Variants in GALNTL6 observed in about 807,000 individuals in gnomAD.
The protein encoded by GALNTL6 is polypeptide N-acetylgalactosaminyltransferase-like 6.
In GALNTL6, 46 loss-of-function variants were observed where a neutral mutation model predicts 73.7. The observed-to-expected ratio is 0.62, with a 90% confidence interval of 0.49 to 0.80. The LOEUF (loss-of-function observed/expected upper bound fraction) is 0.80. Among genes scored for constraint, GALNTL6 ranks in the 30% least tolerant of loss-of-function variants. GALNTL6 has a pLI of 0.00. For synonymous variants in GALNTL6, 259 were observed against 263.7 expected (o/e 0.98, Z 0.17); for missense variants, 604 against 755.0 (o/e 0.80, Z 2.34).
intron 5 of GALNTL6, among the ~76,000 whole-genome samples, chr4:172,705,136 C>A (rs977147905): frequency 1.3e-5 from 2 of 151,590 alleles, no homozygotes; most frequent in African/African-American, 4.8e-5. Context: ...CATTCACCCA[C>A]CCTTTATCTT....
intron 5 of GALNTL6, among the ~76,000 whole-genome samples, chr4:172,522,942 C>T (rs1734833746): frequency 6.6e-6 from 1 of 152,088 alleles, no homozygotes; most frequent in Admixed American, 6.6e-5. Flanking sequence ...CACCCTAAGT[C>T]CCTCTCTTGA....
chr4:172,770,717 A>G (rs747275374), intron 5 of GALNTL6, among the ~76,000 whole-genome samples: 3 of 152,242 alleles, frequency 2.0e-5, no homozygotes, highest in African/African-American at 7.2e-5. Flanking sequence ...ATGTTCTGCC[A>G]TCATGAAGAT....
At chr4:172,048,730 T>TTTTTATTTTATTTTA (rs199772411) in intron 2 of GALNTL6, among the ~76,000 whole-genome samples, 1 of 151,790 alleles carries the variant, frequency 6.6e-6, no homozygotes, top group Non-Finnish European at 1.5e-5. Context: ...AGTTTTTCAT[T>TTTTTATTTTATTTTA]TTTTATTTTA....
At chr4:172,790,896 C>CAAA (rs770813700) in intron 5 of GALNTL6, among the ~76,000 whole-genome samples, 26 of 71,310 alleles carry the variant, frequency 3.6e-4, no homozygotes, top group South Asian at 5.6e-4. Flanking sequence ...GAGACTCCAT[C>CAAA]AAAAAAAAAA....
rs558645679 is a variant in GALNTL6, at chr4:173,040,635, G to GTT, written c.*542_*543dup. The GTT allele has an allele frequency of 3.2e-4, 49 of 152,432 alleles. No homozygotes were observed. Among genetic ancestry groups the GTT allele is most frequent in the African/African-American group, 1.2e-3 (48 of 41,426 alleles). 9.4% of individuals were successfully genotyped at this position (152,432 alleles called of 1,614,324 possible). On this transcript the variant is annotated 3_prime_UTR_variant, in exon 13 of 13. Coordinates refer to ENST00000506823, the MANE Select transcript of GALNTL6 (RefSeq NM_001034845.3). ...GATTTCAGAGTGCTCACACTATTCT[G>GTT]TTTTTTTTATTTTTATTTTTAAATG... is the stretch of plus-strand genomic sequence containing the variant.
intron 3 of GALNTL6, chr4:172,266,362 T>TAA (rs1738452961): frequency 2.6e-5 from 4 of 152,108 alleles, no homozygotes; most frequent in Non-Finnish European, 5.9e-5. Context: ...AATTAATGCT[T>TAA]CAAGTTACAG....
At chr4:172,705,216 T>TC (rs927243077) in intron 5 of GALNTL6, among the ~76,000 whole-genome samples, 168 of 151,108 alleles carry the variant, frequency 1.1e-3, no homozygotes, top group African/African-American at 3.4e-3. Flanking sequence ...TACTGCTATT[T>TC]TTTTTTTGTT....
At chr4:172,224,305 G>C (rs183329769) in intron 2 of GALNTL6, among the ~76,000 whole-genome samples, 1 of 152,222 alleles carries the variant, frequency 6.6e-6, no homozygotes, top group Admixed American at 6.5e-5. Context: ...TAGAGGACAT[G>C]CAGATTTTTG....
intron 5 of GALNTL6, among the ~76,000 whole-genome samples, chr4:172,351,565 T>C (rs929109999): frequency 5.3e-5 from 8 of 152,124 alleles, no homozygotes; most frequent in Non-Finnish European, 1.0e-4. Context: ...AGAAAAACTT[T>C]TTCTACTCCT....
At chr4:172,226,585 GTGTC>G (rs1436062383) in intron 2 of GALNTL6, among the ~76,000 whole-genome samples, 2 of 44,608 alleles carry the variant, frequency 4.5e-5, no homozygotes, top group African/African-American at 8.7e-5. Context: ...GTGTGTCTGT[GTGTC>G]TGTGTGTGTG....
At chr4:171,904,666 A>G (rs1009814356) in intron 2 of GALNTL6, among the ~76,000 whole-genome samples, 22 of 152,172 alleles carry the variant, frequency 1.4e-4, no homozygotes, top group African/African-American at 5.3e-4. Flanking sequence ...ACTCCCTGAG[A>G]AGAGCAACTC....
intron 5 of GALNTL6, among the ~76,000 whole-genome samples, chr4:172,396,525 TA>T (rs1163919533): frequency 7.9e-5 from 12 of 152,052 alleles, no homozygotes; most frequent in Admixed American, 7.9e-4. Flanking sequence ...TTTCTGAAAA[TA>T]AGAGATGTTT....
At chr4:172,136,204 T>A (rs1020717673) in intron 2 of GALNTL6, among the ~76,000 whole-genome samples, 7 of 152,132 alleles carry the variant, frequency 4.6e-5, no homozygotes, top group Non-Finnish European at 8.8e-5. Flanking sequence ...GTCAGTAGAC[T>A]CTATATTACC....
At position 172,435,239 on chromosome 4, in the gene GALNTL6, C is replaced by G. The variant is rs1035437271; in HGVS notation, c.553+86550C>G. Reference sequence around the variant, plus strand: ...TAAATTTGCTCTCATGCTCAAAACTCTTTGGTAGTTCTCTGTTGCCCACAA... The same window carrying G: ...TAAATTTGCTCTCATGCTCAAAACTGTTTGGTAGTTCTCTGTTGCCCACAA... On this transcript the variant is annotated intron_variant, in intron 5 of 12. Coordinates refer to ENST00000506823, the MANE Select transcript of GALNTL6 (RefSeq NM_001034845.3). Among the ~76,000 whole-genome samples the G allele has an allele frequency of 3.3e-5, 5 of 152,098 alleles. No individual in the cohort carries two copies. In the South Asian group the frequency reaches 1.0e-3, roughly 32 times the overall value.
intron 5 of GALNTL6, among the ~76,000 whole-genome samples, chr4:172,751,843 T>C (rs960728739): frequency 3.3e-5 from 5 of 152,224 alleles, no homozygotes; most frequent in African/African-American, 1.2e-4. Context: ...TGCTAACGAC[T>C]GTCTCTTTGG....
intron 3 of GALNTL6, among the ~76,000 whole-genome samples, chr4:172,236,563 A>AAC (rs1489458653): frequency 1.3e-5 from 2 of 151,188 alleles, no homozygotes; most frequent in Non-Finnish European, 3.0e-5. Context: ...CGTCTCAAAT[A>AAC]AAAAAAAAAA....
chr4:172,241,631 C>T (rs1313384343), intron 3 of GALNTL6, among the ~76,000 whole-genome samples: 1 of 152,142 alleles, frequency 6.6e-6, no homozygotes, highest in Non-Finnish European at 1.5e-5. Context: ...CATTGCAGGA[C>T]CAGGAAGGCT....
chr4:172,608,967 G>A (rs837186), intron 5 of GALNTL6, among the ~76,000 whole-genome samples: 80,906 of 151,828 alleles, frequency 0.53, 22,228 homozygotes, highest in East Asian at 0.77. Flanking sequence ...ATTTTTGTAT[G>A]TTAATTTTGT....
At chr4:171,955,934 A>G (rs543800271) in intron 2 of GALNTL6, among the ~76,000 whole-genome samples, 4 of 152,300 alleles carry the variant, frequency 2.6e-5, no homozygotes, top group African/African-American at 9.6e-5. Context: ...GCTGCAAAGT[A>G]TTATAGTTTT....
Sources: gnomAD v4.1 joint callset for allele counts (sites outside exome capture counted in the v4.1 genomes callset) on GRCh38, gnomAD v4.1.1 for gene constraint, MANE v1.5 for transcripts, NCBI Gene and HGNC (gene_info 2026-07-23, HGNC 2026-07-21) for gene names.